The following RPL31 variants were observed in gnomAD, a reference collection of about 807,000 sequenced individuals.
RPL31 encodes ribosomal protein L31.
For missense variants in RPL31, 95 were observed against 164.0 expected (o/e 0.58, Z 2.30); for synonymous variants, 51 against 55.0 (o/e 0.93, Z 0.32).
At chr2:101,008,311 G>C (rs1678899562), downstream of RPL31, 6 of 1,456,002 alleles carry the variant, frequency 4.1e-6, no homozygotes, top group Non-Finnish European at 5.4e-6. Flanking sequence ...AGCAGAACCA[G>C]GGTGGAAGTG....
rs77551636 is a variant in RPL31, at chr2:101,012,384, C to T, written c.346+6313C>T. On this transcript the variant is annotated intron_variant, in intron 4 of 4. Transcript: ENST00000409028. ...GCCATTAAAAGGAATGAAGCACTGA[C>T]GCATGCTACAGCATGGATGTGTCTT... Among the ~76,000 whole-genome samples the T allele has an allele frequency of 5.4e-4, 82 of 152,310 alleles. No individual in the cohort carries two copies. The East Asian group carries it at 6.2e-3, about 11-fold the overall frequency.
At chr2:101,015,983 T>G (rs878998738) in intron 4 of RPL31, among the ~76,000 whole-genome samples, 1 of 151,706 alleles carries the variant, frequency 6.6e-6, no homozygotes, top group Non-Finnish European at 1.5e-5. Flanking sequence ...GAAGAAAACC[T>G]AGGCATTACC....
At chr2:101,018,669 G>A (rs1012061996) in intron 4 of RPL31, among the ~76,000 whole-genome samples, 6 of 152,302 alleles carry the variant, frequency 3.9e-5, no homozygotes, top group Non-Finnish European at 1.5e-5. Context: ...CTCAGAGTTC[G>A]CAGAAGGAAC....
At chr2:101,016,995 C>T (rs1679697103) in intron 4 of RPL31, among the ~76,000 whole-genome samples, 1 of 151,548 alleles carries the variant, frequency 6.6e-6, no homozygotes, top group Non-Finnish European at 1.5e-5. Context: ...TTAATGGGTG[C>T]AGCACACCAG....
At chr2:101,008,271 T>A (rs775605526), downstream of RPL31, 1 of 1,519,208 alleles carries the variant, frequency 6.6e-7, no homozygotes, top group South Asian at 1.3e-5. Flanking sequence ...GGATAAATTC[T>A]CTCTGAAATT....
chr2:101,008,268 T>G (rs1281062145), downstream of RPL31: 4 of 1,524,902 alleles, frequency 2.6e-6, no homozygotes, highest in Non-Finnish European at 3.5e-6. Context: ...ACTGGATAAA[T>G]TCTCTCTGAA....
chr2:101,005,709 G>T, intron 3 of RPL31: 1 of 516,980 alleles, frequency 1.9e-6, no homozygotes, highest in East Asian at 3.5e-5. Context: ...ATCTGCTTAG[G>T]ATTAACCGGT....
intron 4 of RPL31, among the ~76,000 whole-genome samples, chr2:101,013,276 T>C (rs916190842): frequency 7.9e-5 from 12 of 152,192 alleles, no homozygotes; most frequent in South Asian, 2.1e-4. Flanking sequence ...CCACGATCTA[T>C]TGATGATCAG....
At chr2:101,012,207 A>G (rs1201487601), downstream of RPL31, among the ~76,000 whole-genome samples, 1 of 152,260 alleles carries the variant, frequency 6.6e-6, no homozygotes, top group Non-Finnish European at 1.5e-5. Flanking sequence ...TCACTTCTAC[A>G]TATACACCCA....
At chr2:101,017,635 C>T (rs1186013799) in intron 4 of RPL31, among the ~76,000 whole-genome samples, 1 of 152,184 alleles carries the variant, frequency 6.6e-6, no homozygotes, top group Non-Finnish European at 1.5e-5. Context: ...GCAAAGCAGA[C>T]CATGCTGTGC....
chr2:101,010,133 T>G (rs180979649), downstream of RPL31, among the ~76,000 whole-genome samples: 1 of 152,202 alleles, frequency 6.6e-6, no homozygotes, highest in East Asian at 1.9e-4. Flanking sequence ...ATTTTTAACT[T>G]TAAGCCTACA....
At position 101,006,448 on chromosome 2, in the gene RPL31, C is replaced by A; in HGVS notation, c.*67C>A. 6.8e-7 allele frequency: 1 copy of A among 1,460,850 alleles called. No individual in the cohort carries two copies. The highest frequency in any genetic ancestry group is 1.2e-5 in the South Asian group (1 of 80,700). 90.5% of individuals were successfully genotyped at this position (1,460,850 alleles called of 1,614,324 possible). On this transcript the variant is annotated 3_prime_UTR_variant, in exon 5 of 5. Coordinates refer to ENST00000264258, the MANE Select transcript of RPL31 (RefSeq NM_000993.5). The stretch of plus-strand genomic sequence containing the variant: ...ATGTTTTTGTTCTTTTTAGTTGCAA[C>A]ATAATGTACTTGTATACCCTATCCT...
chr2:101,010,909 G>A (rs746203418), downstream of RPL31: 1 of 1,572,384 alleles, frequency 6.4e-7, no homozygotes, highest in South Asian at 1.1e-5. Flanking sequence ...TTAATTCTCT[G>A]CACTGAAGAA....
intron 2 of RPL31, 55 bp downstream of exon 2, chr2:101,002,863 G>C: frequency 2.3e-6 from 3 of 1,279,462 alleles, no homozygotes; most frequent in South Asian, 1.2e-5. Flanking sequence ...GGTTGTTACC[G>C]AGAGATGTGC....
chr2:101,012,010 A>G (rs187800245), downstream of RPL31, among the ~76,000 whole-genome samples: 1 of 150,804 alleles, frequency 6.6e-6, no homozygotes, highest in Non-Finnish European at 1.5e-5. Context: ...TTTCTTTTAA[A>G]AGTTGAAGAA....
chr2:101,010,463 G>T (rs191448768), downstream of RPL31, among the ~76,000 whole-genome samples: 7 of 152,258 alleles, frequency 4.6e-5, no homozygotes, highest in East Asian at 1.4e-3. Flanking sequence ...GAAGCGATTT[G>T]AATATCTGAA....
chr2:101,007,999 G>C (rs1678867833), downstream of RPL31: 1 of 1,613,936 alleles, frequency 6.2e-7, no homozygotes, highest in South Asian at 1.1e-5. Context: ...AAGGGAGACA[G>C]TCCAGTCCCT....
At chr2:101,004,655 G>C (rs1256873067) in intron 3 of RPL31, 1 of 265,816 alleles carries the variant, frequency 3.8e-6, no homozygotes, top group South Asian at 1.6e-4. Context: ...CACCAGGAGA[G>C]AAGTGGTTCT....
At chr2:101,014,432 T>C (rs1268031003) in intron 4 of RPL31, among the ~76,000 whole-genome samples, 1 of 152,240 alleles carries the variant, frequency 6.6e-6, no homozygotes, top group Non-Finnish European at 1.5e-5. Context: ...GAATCTAAAC[T>C]ACCATTTTTT....
Sources: gnomAD v4.1 joint callset for allele counts (sites outside exome capture counted in the v4.1 genomes callset) on GRCh38, gnomAD v4.1.1 for gene constraint, MANE v1.5 for transcripts, NCBI Gene and HGNC (gene_info 2026-07-23, HGNC 2026-07-21) for gene names.